LSAMP: variants seen among roughly 807,000 people sequenced by gnomAD.
The protein encoded by LSAMP is limbic system-associated membrane protein.
In LSAMP, 7 loss-of-function variants were observed where a neutral mutation model predicts 38.6. The observed-to-expected ratio is 0.18, with a 90% CI of 0.10 to 0.34. LSAMP has a LOEUF of 0.34. Ranked by LOEUF, LSAMP falls within the 10% of genes least tolerant of loss-of-function variation. The pLI is 1.00. For missense variants in LSAMP, 313 were observed against 420.0 expected (o/e 0.75, Z 2.23); for synonymous variants, 154 against 166.8 (o/e 0.92, Z 0.59).
intron 3 of LSAMP, among the ~76,000 whole-genome samples, chr3:115,874,765 C>T (rs540922256): frequency 1.3e-5 from 2 of 152,018 alleles, no homozygotes; most frequent in South Asian, 2.1e-4. Flanking sequence ...CAAGATATCT[C>T]GAGTGAAAGA....
At chr3:115,910,266 T>C (rs549066561) in intron 3 of LSAMP, among the ~76,000 whole-genome samples, 374 of 152,358 alleles carry the variant, frequency 2.5e-3, no homozygotes, top group African/African-American at 8.6e-3. Flanking sequence ...AACAGAGTTA[T>C]GCAAATATTT....
chr3:116,373,429 A>T (rs1252728211), intron 1 of LSAMP, among the ~76,000 whole-genome samples: 1 of 151,666 alleles, frequency 6.6e-6, no homozygotes, highest in African/African-American at 2.4e-5. Context: ...TGGAAAGAAG[A>T]AGGAATGGGG....
At chr3:116,281,541 T>A (rs2047126472) in intron 1 of LSAMP, among the ~76,000 whole-genome samples, 1 of 152,190 alleles carries the variant, frequency 6.6e-6, no homozygotes, top group Admixed American at 6.5e-5. Flanking sequence ...AAAATAAACA[T>A]GATGACACCA....
chr3:116,318,525 G>T (rs149189844), intron 1 of LSAMP, among the ~76,000 whole-genome samples: 3 of 152,224 alleles, frequency 2.0e-5, no homozygotes, highest in African/African-American at 7.2e-5. Context: ...CTTTACAAAT[G>T]ATCTTTAGTC....
At chr3:116,031,867 T>G (rs1017395114) in intron 2 of LSAMP, among the ~76,000 whole-genome samples, 2 of 152,030 alleles carry the variant, frequency 1.3e-5, no homozygotes, top group Non-Finnish European at 2.9e-5. Flanking sequence ...TCTAAACAAA[T>G]AGAGTTACCA....
intron 1 of LSAMP, among the ~76,000 whole-genome samples, chr3:116,205,342 C>G (rs1576430854): frequency 1.7e-5 from 2 of 115,232 alleles, no homozygotes; most frequent in Admixed American, 2.0e-4. Context: ...ATCATGTCGT[C>G]TGCAAACAGG....
At chr3:116,197,130 G>GACACACAC (rs10650049) in intron 1 of LSAMP, among the ~76,000 whole-genome samples, 43,253 of 136,310 alleles carry the variant, frequency 0.32, 7,426 homozygotes, top group Middle Eastern at 0.53. Context: ...ATCCCACTCG[G>GACACACAC]ACACACACAC....
At chr3:116,253,862 G>A (rs9836711) in intron 1 of LSAMP, among the ~76,000 whole-genome samples, 95,787 of 151,992 alleles carry the variant, frequency 0.63, 34,921 homozygotes, top group South Asian at 0.81. Context: ...AAGGGGCCAT[G>A]CAAGCTCATT....
chr3:116,349,443 AT>A (rs2048108217), intron 1 of LSAMP, among the ~76,000 whole-genome samples: 1 of 151,504 alleles, frequency 6.6e-6, no homozygotes, highest in African/African-American at 2.4e-5. Context: ...CATACTTTAA[AT>A]TAAAAAAGAA....
intron 3 of LSAMP, among the ~76,000 whole-genome samples, chr3:116,015,867 C>T (rs761593089): frequency 3.3e-5 from 5 of 152,070 alleles, no homozygotes; most frequent in South Asian, 4.1e-4. Context: ...GACAGATAAT[C>T]AGGTATTGTG....
chr3:116,269,638 A>AT (rs1490590167), intron 1 of LSAMP, among the ~76,000 whole-genome samples: 2 of 152,114 alleles, frequency 1.3e-5, no homozygotes, highest in African/African-American at 4.8e-5. Context: ...ATAATTTATC[A>AT]TCCAAACCAG....
chr3:116,416,998 G>C (rs1370261703), intron 1 of LSAMP, among the ~76,000 whole-genome samples: 2 of 152,108 alleles, frequency 1.3e-5, no homozygotes, highest in Non-Finnish European at 2.9e-5. Context: ...AAGATTAAAG[G>C]AATCTCTTTT....
chr3:116,439,226 C>T (rs2049397098), intron 1 of LSAMP, among the ~76,000 whole-genome samples: 1 of 152,048 alleles, frequency 6.6e-6, no homozygotes, highest in Admixed American at 6.6e-5. Context: ...TGCAGTGCTT[C>T]TCCAACCTCA....
intron 1 of LSAMP, among the ~76,000 whole-genome samples, chr3:116,294,113 C>T (rs973156626): frequency 6.6e-6 from 1 of 152,022 alleles, no homozygotes; most frequent in Non-Finnish European, 1.5e-5. Flanking sequence ...ATCTGCACCT[C>T]CCACACACAC....
chr3:115,977,729 CA>C (rs56833385), intron 3 of LSAMP, among the ~76,000 whole-genome samples: 2,262 of 129,720 alleles, frequency 0.017, 42 homozygotes, highest in African/African-American at 0.046. Flanking sequence ...AACAGAACAC[CA>C]AAAAAAAAAA....
intron 6 of LSAMP, among the ~76,000 whole-genome samples, chr3:115,838,563 T>A (rs568908425): frequency 6.0e-4 from 91 of 152,324 alleles, no homozygotes; most frequent in African/African-American, 2.1e-3. Context: ...TATAAGGTAA[T>A]GCTTAGCCCA....
intron 1 of LSAMP, among the ~76,000 whole-genome samples, chr3:116,135,378 T>C (rs188346359): frequency 6.6e-6 from 1 of 152,328 alleles, no homozygotes; most frequent in Non-Finnish European, 1.5e-5. Flanking sequence ...GTGATGTAGA[T>C]ACCTTGTTAT....
chr3:116,037,167 C>T (rs1442564445), intron 2 of LSAMP, among the ~76,000 whole-genome samples: 1 of 152,144 alleles, frequency 6.6e-6, no homozygotes, highest in Non-Finnish European at 1.5e-5. Context: ...TTCTCAGTTT[C>T]CCATAGTGAA....
chr3:116,022,834 G>C (rs1005190679), intron 2 of LSAMP, among the ~76,000 whole-genome samples: 6 of 152,078 alleles, frequency 3.9e-5, no homozygotes, highest in African/African-American at 1.4e-4. Context: ...GGACTATTCT[G>C]TATCCCTATT....
Sources: allele counts gnomAD v4.1 joint callset (sites outside exome capture counted in the v4.1 genomes callset), GRCh38; gene constraint gnomAD v4.1.1; transcripts MANE v1.5; gene names NCBI Gene and HGNC (gene_info 2026-07-23, HGNC 2026-07-21).